Variants in DPP10 observed in about 807,000 individuals in gnomAD.
DPP10 encodes dipeptidyl peptidase like 10.
DPP10 carries 33 observed loss-of-function variants against 120.9 expected under a neutral mutation model. The observed-to-expected ratio is 0.27, with a 90% CI of 0.21 to 0.37. The LOEUF is 0.37. DPP10 is among the 10% of genes least tolerant of loss of function. DPP10 has a pLI of 1.00. For synonymous variants in DPP10, 337 were observed against 326.1 expected (o/e 1.03, Z -0.36); for missense variants, 816 against 942.8 (o/e 0.87, Z 1.76).
intron 1 of DPP10, among the ~76,000 whole-genome samples, chr2:114,547,080 T>C (rs1687471250): frequency 6.6e-6 from 1 of 152,248 alleles, no homozygotes; most frequent in Non-Finnish European, 1.5e-5. Context: ...CCCCGCATCA[T>C]GTGTGTGCGG....
intron 7 of DPP10, among the ~76,000 whole-genome samples, chr2:115,708,225 G>A (rs947328246): frequency 2.0e-5 from 3 of 151,926 alleles, no homozygotes; most frequent in African/African-American, 7.2e-5. Flanking sequence ...ATTGTTTTAA[G>A]TGTTAGAAGA....
chr2:115,510,470 A>T (rs1686797772), intron 4 of DPP10, among the ~76,000 whole-genome samples: 1 of 152,102 alleles, frequency 6.6e-6, no homozygotes, highest in African/African-American at 2.4e-5. Flanking sequence ...CCACAAATAT[A>T]TGATTTTGTC....
At chr2:114,559,320 A>G (rs1272321735) in intron 1 of DPP10, among the ~76,000 whole-genome samples, 1 of 152,234 alleles carries the variant, frequency 6.6e-6, no homozygotes, top group Non-Finnish European at 1.5e-5. Flanking sequence ...GGCAGAGGTC[A>G]GAGTGATGCA....
intron 1 of DPP10, among the ~76,000 whole-genome samples, chr2:114,502,552 T>A (rs925077785): frequency 1.3e-5 from 2 of 152,360 alleles, no homozygotes; most frequent in African/African-American, 4.8e-5. Flanking sequence ...TCACTTGTCA[T>A]TGTTCTATAC....
chr2:115,523,980 G>A (rs551588489), intron 4 of DPP10, among the ~76,000 whole-genome samples: 23 of 152,216 alleles, frequency 1.5e-4, no homozygotes, highest in Non-Finnish European at 2.9e-4. Flanking sequence ...CTTATATGTA[G>A]ATTGTACAAG....
At chr2:115,325,400 C>T (rs904113237) in intron 2 of DPP10, among the ~76,000 whole-genome samples, 7 of 152,000 alleles carry the variant, frequency 4.6e-5, no homozygotes, top group Non-Finnish European at 7.4e-5. Flanking sequence ...GATGATATTA[C>T]CAAATAGAAA....
intron 1 of DPP10, among the ~76,000 whole-genome samples, chr2:114,576,176 C>G (rs1690035130): frequency 6.6e-6 from 1 of 152,200 alleles, no homozygotes; most frequent in Non-Finnish European, 1.5e-5. Flanking sequence ...ATGGCACATT[C>G]AGTGAGCTTA....
chr2:114,681,765 A>C (rs1699042887), intron 1 of DPP10, among the ~76,000 whole-genome samples: 1 of 152,068 alleles, frequency 6.6e-6, no homozygotes, highest in African/African-American at 2.4e-5. Context: ...GGATGAGGAC[A>C]GCCTATTTTT....
chr2:115,806,412 T>G (rs1685978850), intron 19 of DPP10, among the ~76,000 whole-genome samples: 1 of 152,226 alleles, frequency 6.6e-6, no homozygotes, highest in African/African-American at 2.4e-5. Context: ...ACTATAATCA[T>G]TATTATTCCT....
intron 4 of DPP10, among the ~76,000 whole-genome samples, chr2:115,505,432 G>A (rs1182042906): frequency 6.6e-6 from 1 of 151,920 alleles, no homozygotes; most frequent in East Asian, 1.9e-4. Flanking sequence ...GATTTTTTTA[G>A]AAGATTCTTA....
intron 1 of DPP10, among the ~76,000 whole-genome samples, chr2:115,201,004 C>T (rs1236670467): frequency 6.6e-6 from 1 of 152,016 alleles, no homozygotes; most frequent in Admixed American, 6.6e-5. Context: ...CCATGTTCCT[C>T]AATTCATAGC....
chr2:114,948,179 G>T (rs1697508699), intron 1 of DPP10, among the ~76,000 whole-genome samples: 1 of 151,618 alleles, frequency 6.6e-6, no homozygotes, highest in Admixed American at 6.6e-5. Flanking sequence ...TGACTTAATT[G>T]TTCAGCTCAC....
At chr2:114,633,667 G>A (rs1474143513) in intron 1 of DPP10, among the ~76,000 whole-genome samples, 1 of 151,580 alleles carries the variant, frequency 6.6e-6, no homozygotes, top group Non-Finnish European at 1.5e-5. Flanking sequence ...AGACTAGAGT[G>A]CAATGGTGGG....
chr2:114,798,984 C>T (rs572203438), intron 1 of DPP10, among the ~76,000 whole-genome samples: 1 of 152,108 alleles, frequency 6.6e-6, no homozygotes, highest in Non-Finnish European at 1.5e-5. Context: ...CAAAAAATAG[C>T]CAGGCATGGT....
chr2:115,410,449 A>G (rs1043574305), intron 3 of DPP10, among the ~76,000 whole-genome samples: 2 of 152,144 alleles, frequency 1.3e-5, no homozygotes, highest in African/African-American at 2.4e-5. Flanking sequence ...GGACACAGGG[A>G]GGGGAACAAC....
intron 3 of DPP10, among the ~76,000 whole-genome samples, chr2:115,360,132 A>G (rs1316050974): frequency 2.0e-5 from 3 of 152,170 alleles, no homozygotes; most frequent in Non-Finnish European, 1.5e-5. Flanking sequence ...GTAAGGATCC[A>G]TTGCTGGAGT....
intron 1 of DPP10, among the ~76,000 whole-genome samples, chr2:115,286,489 A>AT (rs1358460205): frequency 2.1e-4 from 8 of 38,986 alleles, no homozygotes; most frequent in African/African-American, 4.8e-4. Context: ...TAATATATAT[A>AT]TAATATATAT....
chr2:114,593,531 A>G (rs908007714), intron 1 of DPP10, among the ~76,000 whole-genome samples: 25 of 152,052 alleles, frequency 1.6e-4, no homozygotes, highest in Non-Finnish European at 3.4e-4. Flanking sequence ...TCTCCCTCCA[A>G]ATTTCATTCT....
chr2:114,999,461 T>A (rs1350051494), intron 1 of DPP10, among the ~76,000 whole-genome samples: 1 of 152,200 alleles, frequency 6.6e-6, no homozygotes, highest in Non-Finnish European at 1.5e-5. Flanking sequence ...AACTGAGGTT[T>A]CCTTTTGCCT....
Sources: allele counts gnomAD v4.1 joint callset (sites outside exome capture counted in the v4.1 genomes callset), GRCh38; gene constraint gnomAD v4.1.1; transcripts MANE v1.5; gene names NCBI Gene and HGNC (gene_info 2026-07-23, HGNC 2026-07-21).